Variants in C14orf180 observed in about 807,000 individuals in gnomAD.
C14orf180 encodes the protein chromosome 14 open reading frame 180.
A neutral mutation model predicts 13.9 loss-of-function variants in C14orf180; 13 were observed. That is an observed-to-expected ratio of 0.94 (90% CI 0.61 to 1.49). C14orf180 has a LOEUF of 1.49. C14orf180 is among the 40% of genes most tolerant of loss of function. The pLI, the probability that C14orf180 is intolerant of heterozygous loss-of-function variation, is 0.00. For synonymous variants in C14orf180, 113 were observed against 106.3 expected (o/e 1.06, Z -0.39); for missense variants, 238 against 232.0 (o/e 1.03, Z -0.17).
At position 104,582,182 on chromosome 14, in the gene C14orf180, C is replaced by G. The variant is rs990326157; in HGVS notation, c.-17+2179C>G. Among the ~76,000 whole-genome samples, 16 of 152,270 alleles carry G rather than the reference C, an allele frequency of 1.1e-4. No individual in the cohort carries two copies. The South Asian group carries it at 1.5e-3, about 14-fold the overall frequency. On this transcript the variant is annotated intron_variant, in intron 1 of 4. Coordinates refer to ENST00000557649, the MANE Select transcript of C14orf180 (RefSeq NM_001008404.3). ...GGCACGGGCCAGGCAGAGGCAGCAG[C>G]CTGGGAGGAGGCGGGAAGCCAGCGG...
At chr14:104,584,169 G>A (rs1181091734) in intron 1 of C14orf180, among the ~76,000 whole-genome samples, 1 of 152,200 alleles carries the variant, frequency 6.6e-6, no homozygotes, top group African/African-American at 2.4e-5. Context: ...GACTCCGTCG[G>A]CCCAAGCCTC....
chr14:104,582,742 G>A (rs529032554), intron 1 of C14orf180, among the ~76,000 whole-genome samples: 2 of 152,334 alleles, frequency 1.3e-5, no homozygotes, highest in Admixed American at 6.5e-5. Context: ...TTCCCAGAGT[G>A]GGGGTAGAGT....
rs1177696245 is a variant in C14orf180, at chr14:104,589,874, G to A, written c.*1091G>A. 1 of 152,172 alleles carries A rather than the reference G, an allele frequency of 6.6e-6. No individual in the cohort carries two copies. The highest frequency in any genetic ancestry group is 1.5e-5 in the Non-Finnish European group (1 of 68,024). The allele number at this position is 152,172 out of a possible 1,614,324, so 9.4% of individuals were successfully genotyped here. A position where few individuals can be genotyped will look rare whatever the true frequency, so the allele number is the denominator to read the frequency against. On this transcript the variant is annotated 3_prime_UTR_variant, in exon 5 of 5. Transcript: ENST00000557649. The surrounding 1 kb of genome is among the most constrained non-coding windows in gnomAD (Gnocchi z 4.9). ...TCTTGGTGTTTTTATAGAAATGAGAGAAACCAGAACCGATTTGCTAAGGAA... is the reference window on the plus strand; with the variant it reads ...TCTTGGTGTTTTTATAGAAATGAGAAAAACCAGAACCGATTTGCTAAGGAA...
intron 1 of C14orf180, among the ~76,000 whole-genome samples, chr14:104,583,086 C>A (rs1308098016): frequency 6.6e-6 from 1 of 152,220 alleles, no homozygotes; most frequent in African/African-American, 2.4e-5. Context: ...GATGGCAGGG[C>A]TCAGGGAGGC....
intron 1 of C14orf180, among the ~76,000 whole-genome samples, chr14:104,580,872 G>A: frequency 6.6e-6 from 1 of 152,214 alleles, no homozygotes; most frequent in South Asian, 2.1e-4. Context: ...GAGGCCTAGG[G>A]TGGCCCCTGC....
intron 1 of C14orf180, chr14:104,581,206 C>T (rs1421751860): frequency 6.6e-6 from 1 of 152,204 alleles, no homozygotes; most frequent in Non-Finnish European, 1.5e-5. Flanking sequence ...CCCCGCCTGG[C>T]TGTGTTCTGC....
At position 104,587,771 on chromosome 14, in the gene C14orf180, C is replaced by A. The variant is rs766243629; in HGVS notation, c.134C>A (p.Pro45His). The change falls in exon 3 of 5, where the codon CCC (proline) becomes CAC (histidine). Residue 45 changes from proline (P) to histidine (H), a missense_variant. Pro to His is a moderately conservative substitution (Grantham distance 77). Coordinates refer to ENST00000557649, the MANE Select transcript of C14orf180 (RefSeq NM_001008404.3). ...CAGGAGGACAACAGGAAGTGCCCCC[C>A]CTCCATCCTGAAACGGAGCCGGCCG... ...AEREDNRKCPPSILKRSRPEH... is the reference protein window; with the variant it reads ...AEREDNRKCPHSILKRSRPEH... The A allele has an allele frequency of 5.6e-6, 9 of 1,612,744 alleles. No homozygotes were observed. Among genetic ancestry groups the A allele is most frequent in the South Asian group, 3.3e-5 (3 of 90,898 alleles).
rs1460679863 is a variant in C14orf180 at position 104,589,485 on chromosome 14, G to A, written c.*702G>A. On this transcript the variant is annotated 3_prime_UTR_variant, in exon 5 of 5. Coordinates refer to ENST00000557649, the MANE Select transcript of C14orf180 (RefSeq NM_001008404.3). The surrounding 1 kb of genome is among the most constrained non-coding windows in gnomAD (Gnocchi z 4.9). The stretch of plus-strand genomic sequence containing the variant: ...CATCTGTGCCCAGCTCTGCAGGCCA[G>A]GCACACCCAGCTGAGCCCGGGGCCA... 6.5e-6 allele frequency: 1 copy of A among 152,734 alleles called. No individual in the cohort carries two copies. The highest frequency in any genetic ancestry group is 2.4e-5 in the African/African-American group (1 of 41,444). The allele number at this position is 152,734 out of a possible 1,614,324, so 9.5% of individuals were successfully genotyped here. A position where few individuals can be genotyped will look rare whatever the true frequency, so the allele number is the denominator to read the frequency against.
chr14:104,587,819 A>C lies in C14orf180; in HGVS notation c.182A>C (p.Lys61Thr). 1 of 1,612,424 alleles carries C rather than the reference A, an allele frequency of 6.2e-7. No individual in the cohort carries two copies. Among genetic ancestry groups the C allele is most frequent in the Non-Finnish European group, 8.5e-7 (1 of 1,179,528 alleles). ...SRPEHHRPEA[K>T]PQRTSRRVWF... ...CCGGAGCACCACCGCCCAGAGGCCA[A>C]GCCCCAGAGGACCTCGAGGCGCGTG... is the stretch of plus-strand genomic sequence containing the variant. Residue 61 changes from lysine (K) to threonine (T), a missense_variant, in exon 3 of 5, where the codon AAG becomes ACG. Transcript: ENST00000557649.
At position 104,588,704 on chromosome 14, in the gene C14orf180, T is replaced by C. The variant is rs775256808; in HGVS notation, c.404T>C (p.Leu135Pro). 9 of 1,535,660 alleles carry C rather than the reference T, an allele frequency of 5.9e-6. No homozygotes were observed. The highest frequency in any genetic ancestry group is 1.2e-5 in the South Asian group (1 of 83,956). ...CCCGTGGCAACGGCACTGGAGGACC[T>C]GCGGGCCCGGCTCCTCGGCCTTGTC... ...AKPVATALED[L>P]RARLLGLVLH... The change falls in exon 5 of 5, where the codon CTG becomes CCG. Residue 135 changes from leucine to proline, a missense_variant. Transcript: ENST00000557649.
At position 104,586,404 on chromosome 14, in the gene C14orf180, G is replaced by A; in HGVS notation, c.-16-11G>A. ...GCAGTAAATAATAAATAACGTCTCT[G>A]CTTATCTTAGGACCATGTTCCAGTA... is the stretch of plus-strand genomic sequence containing the variant. On this transcript the variant is annotated splice_polypyrimidine_tract_variant and intron_variant, in intron 1 of 4. Transcript: ENST00000557649. 1 of 1,426,646 alleles carries A rather than the reference G, an allele frequency of 7.0e-7. No homozygotes were observed. The highest frequency in any genetic ancestry group is 9.4e-7 in the Non-Finnish European group (1 of 1,068,250). 88.4% of individuals were successfully genotyped at this position (1,426,646 alleles called of 1,614,324 possible). A position where few individuals can be genotyped will look rare whatever the true frequency, so the allele number is the denominator to read the frequency against.
intron 1 of C14orf180, among the ~76,000 whole-genome samples, chr14:104,585,686 C>A (rs570605715): frequency 8.2e-6 from 1 of 121,340 alleles, no homozygotes; most frequent in Admixed American, 7.2e-5. Context: ...GAGATAGAGA[C>A]AGAATTAGAG....
chr14:104,589,166 G>A lies in C14orf180; in HGVS notation c.*383G>A, dbSNP rs536961864. The A allele has an allele frequency of 5.0e-6, 2 of 398,240 alleles. No homozygotes were observed. The highest frequency in any genetic ancestry group is 8.3e-5 in the South Asian group (1 of 12,056). The allele number at this position is 398,240 out of a possible 1,614,324, so 24.7% of individuals were successfully genotyped here. A position where few individuals can be genotyped will look rare whatever the true frequency, so the allele number is the denominator to read the frequency against. On this transcript the variant is annotated 3_prime_UTR_variant, in exon 5 of 5. Transcript: ENST00000557649. This position sits in a 1 kb window ranked among gnomAD's most constrained non-coding sequence, Gnocchi z 4.9. ...ATCACCGTGTGCACCCTCTTGAGGA[G>A]GGGGACACACTGCCCGTGTTCAAGG...
rs1566737632 is a variant in C14orf180, at chr14:104,588,326, C to T, written c.277+17C>T. 3 of 1,612,088 alleles carry T rather than the reference C, an allele frequency of 1.9e-6. No individual in the cohort carries two copies. ...CTGTCAGGGGTGAGTTCTGAGCCCA[C>T]ATCCCTGTGCCCCACTGCCCCCTCC... On this transcript the variant is annotated intron_variant, in intron 4 of 4. Coordinates refer to ENST00000557649, the MANE Select transcript of C14orf180 (RefSeq NM_001008404.3).
At chr14:104,586,271 G>C in intron 1 of C14orf180, 144 bp from the exon 2 acceptor site, 1 of 516,294 alleles carries the variant, frequency 1.9e-6, no homozygotes. Context: ...CAGAGGAAAA[G>C]TGGTGTCTGC....
chr14:104,588,146 C>A, intron 3 of C14orf180, 128 bp from the exon 4 acceptor site: 1 of 1,175,808 alleles, frequency 8.5e-7, no homozygotes, highest in Non-Finnish European at 1.3e-6. Context: ...TCAGGACCGG[C>A]TGGGCCTGGG....
At chr14:104,581,775 A>G (rs1214221382) in intron 1 of C14orf180, 1 of 152,290 alleles carries the variant, frequency 6.6e-6, no homozygotes, top group Non-Finnish European at 1.5e-5. Flanking sequence ...CCAGCTCCCA[A>G]GTGAGTTGCC....
At position 104,588,780 on chromosome 14, in the gene C14orf180, CT is replaced by C; in HGVS notation, c.481del (p.Ter161AspfsTer45). 1 of 1,493,246 alleles carries C rather than the reference CT, an allele frequency of 6.7e-7. No homozygotes were observed. Among genetic ancestry groups the C allele is most frequent in the Non-Finnish European group, 8.8e-7 (1 of 1,136,630 alleles). 92.5% of individuals were successfully genotyped at this position (1,493,246 alleles called of 1,614,324 possible). ...CCTGCTGGCGCGGCCTCCTGCGGCT[CT>C]GACGGGCAGGACGGGCAGGACGGGC... ...LTCWRGLLRL* is the reference protein window; with the variant it reads ...LTCWRGLLRLX On this transcript the variant is annotated frameshift_variant and stop_lost, in exon 5 of 5. Coordinates refer to ENST00000557649, the MANE Select transcript of C14orf180 (RefSeq NM_001008404.3). LOFTEE classifies it high-confidence loss of function.
chr14:104,580,124 G>T (rs537516268), intron 1 of C14orf180, 121 bp downstream of exon 1: 1 of 152,432 alleles, frequency 6.6e-6, no homozygotes, highest in South Asian at 2.1e-4. Context: ...CAGCAGGTGT[G>T]GGCAGAGACT....
Sources: gnomAD v4.1 joint callset for allele counts (sites outside exome capture counted in the v4.1 genomes callset) on GRCh38, gnomAD v4.1.1 for gene constraint, Gnocchi (gnomAD v3.1) non-coding constraint, MANE v1.5 for transcripts, NCBI Gene and HGNC (gene_info 2026-07-23, HGNC 2026-07-21) for gene names.